KCND1: variants seen among roughly 807,000 people sequenced by gnomAD.
The protein encoded by KCND1 is potassium voltage-gated channel subfamily D member 1, also known as A-type voltage-gated potassium channel KCND1.
In KCND1, 11 loss-of-function variants were observed where a neutral mutation model predicts 31.8. The observed-to-expected ratio is 0.35, with a 90% CI of 0.22 to 0.57. KCND1 has a LOEUF of 0.57. KCND1 is among the 20% of genes least tolerant of loss of function. The pLI is 0.85. For missense variants in KCND1, 471 were observed against 596.8 expected, an observed-to-expected ratio of 0.79 and a Z score of 2.20; for synonymous variants, 234 against 248.1, an observed-to-expected ratio of 0.94 and a Z score of 0.53.
intron 5 of KCND1, 34 bp from the exon 6 acceptor site, chrX:48,962,840 T>A: frequency 2.6e-6 from 3 of 1,143,957 alleles, no homozygotes; most frequent in Non-Finnish European, 3.6e-6. Flanking sequence ...GGAAGGCTCT[T>A]AAAAAGTTAT....
chrX:48,966,894 T>C (rs370695081), intron 2 of KCND1, 50 bp from the exon 3 acceptor site: 11 of 1,198,816 alleles, frequency 9.2e-6, no homozygotes, highest in Non-Finnish European at 1.2e-5. Context: ...CAAAGTAGAC[T>C]GGCTTGGGGT....
intron 5 of KCND1, among the ~76,000 whole-genome samples, 175 bp downstream of exon 5, chrX:48,965,880 A>T (rs2064349299): frequency 9.0e-6 from 1 of 111,158 alleles, no homozygotes; most frequent in East Asian, 2.8e-4. Flanking sequence ...TCTCAAAAAA[A>T]AAAAAAAAAG....
chrX:48,967,325 T>C, intron 1 of KCND1: 3 of 395,379 alleles, frequency 7.6e-6, no homozygotes, highest in Non-Finnish European at 1.3e-5. Flanking sequence ...CCAAGCTACA[T>C]ACCAAGCACC....
At chrX:48,964,849 CCGT>C (rs1272520970) in intron 5 of KCND1, among the ~76,000 whole-genome samples, 1 of 104,251 alleles carries the variant, frequency 9.6e-6, no homozygotes, top group African/African-American at 3.5e-5. Context: ...TGGTGAAACC[CCGT>C]CTCTACTAAA....
In KCND1 at chrX:48,966,166, C is replaced by T; in HGVS notation, c.1607G>A (p.Arg536Lys). 1 of 1,210,496 alleles carries T rather than the reference C, an allele frequency of 8.3e-7. No individual in the cohort carries two copies. The highest frequency in any genetic ancestry group is 1.8e-5 in the South Asian group (1 of 56,753). Reference sequence around the variant, plus strand: ...AAGGCGGATGGCGCGGCGCTTGGCCCTGCGAGGGCAGCAAGAAGACAGCAG... The same window carrying T: ...AAGGCGGATGGCGCGGCGCTTGGCCTTGCGAGGGCAGCAAGAAGACAGCAG... ...GSLLSSCCPR[R>K]AKRRAIRLAN... is the part of the protein sequence containing the mutation. The change falls in exon 5 of 6, where the codon AGG (arginine) becomes AAG (lysine). Residue 536 changes from arginine (R) to lysine (K), a missense_variant. Arg to Lys is a conservative substitution (Grantham distance 26, BLOSUM62 2). Transcript: ENST00000218176.
At chrX:48,964,118 A>G (rs2064337772) in intron 5 of KCND1, among the ~76,000 whole-genome samples, 1 of 112,583 alleles carries the variant, frequency 8.9e-6, no homozygotes, top group African/African-American at 3.2e-5. Flanking sequence ...GTGGTGGCTC[A>G]CACCTGTAAT....
intron 5 of KCND1, among the ~76,000 whole-genome samples, chrX:48,965,430 T>C (rs1048219994): frequency 2.7e-5 from 3 of 110,363 alleles, no homozygotes; most frequent in Non-Finnish European, 5.6e-5. Context: ...ATATAATCTG[T>C]GTATTTGTTT....
At position 48,969,572 on chromosome X, in the gene KCND1, T is replaced by A; in HGVS notation, c.700A>T (p.Met234Leu). 1 of 1,210,657 alleles carries A rather than the reference T, an allele frequency of 8.3e-7. No individual in the cohort carries two copies. Among genetic ancestry groups the A allele is most frequent in the East Asian group, 3.0e-5 (1 of 33,834 alleles). The change falls in exon 1 of 6, where the codon ATG (methionine) becomes TTG (leucine). Residue 234 changes from methionine (M) to leucine (L), a missense_variant. This residue lies in a region of KCND1 where 212 missense variants were observed against 257.9 expected (regional missense o/e 0.82). Coordinates refer to ENST00000218176, the MANE Select transcript of KCND1 (RefSeq NM_004979.6). ...AATATGAGTACACAGGCTGTGTCCA[T>A]GCAGAAAAAGGCCTGTGGGAAGCGT... ...GERFPQAFFCMDTACVLIFTG... is the reference protein window; with the variant it reads ...GERFPQAFFCLDTACVLIFTG...
rs2064356974 is a variant in KCND1, at chrX:48,966,874, G to A, written c.1285-30C>T. On this transcript the variant is annotated intron_variant, in intron 2 of 5. Coordinates refer to ENST00000218176, the MANE Select transcript of KCND1 (RefSeq NM_004979.6). ...AGAGAGAGGAGATAAAAGGTCAGGT[G>A]GGTAAGCCCCAAAGTAGACTGGCTT... is the stretch of plus-strand genomic sequence containing the variant. 4 of 1,201,510 alleles carry A rather than the reference G, an allele frequency of 3.3e-6. No individual in the cohort carries two copies. The East Asian group carries it at 1.2e-4, about 36-fold the overall frequency.
chrX:48,967,418 G>C (rs188003948), intron 1 of KCND1: 1 of 272,834 alleles, frequency 3.7e-6, no homozygotes, highest in East Asian at 7.1e-5. Flanking sequence ...CCTGGGGAGA[G>C]AGTCCCAGCA....
Position 48,969,066 on chromosome X carries a change from GA to G in KCND1, c.1121+84del, listed in dbSNP as rs1199004418. ...AAGACTCCATTTAAAAAGAAAGAAA[GA>G]AAGAGATCATTCCTTTAAACTTCCT... On this transcript the variant is annotated intron_variant, in intron 1 of 5. Transcript: ENST00000218176. The G allele has an allele frequency of 1.0e-5, 10 of 981,063 alleles. No homozygotes were observed. In the Middle Eastern group the frequency reaches 2.2e-3, roughly 218 times the overall value. The allele number at this position is 981,063 out of a possible 1,213,427, so 80.9% of individuals were successfully genotyped here. A position where few individuals can be genotyped will look rare whatever the true frequency, so the allele number is the denominator to read the frequency against.
chrX:48,966,539 C>A, intron 4 of KCND1, 39 bp downstream of exon 4: 2 of 1,128,089 alleles, frequency 1.8e-6, no homozygotes, highest in Non-Finnish European at 2.4e-6. Context: ...GCAGAGGGAC[C>A]CCCTCTATTC....
At chrX:48,967,487 CCT>C (rs1443677285) in intron 1 of KCND1, 1 of 176,008 alleles carries the variant, frequency 5.7e-6, no homozygotes, top group Non-Finnish European at 1.1e-5. Context: ...GTTTTGGCTG[CCT>C]CTGTCTTACC....
At chrX:48,969,122 G>A (rs1557058391) in intron 1 of KCND1, 29 bp downstream of exon 1, 1 of 1,179,528 alleles carries the variant, frequency 8.5e-7, no homozygotes, top group Non-Finnish European at 1.1e-6. Flanking sequence ...GTGTAATCGG[G>A]CAGCCCCCAA....
Position 48,962,729 on chromosome X carries a change from A to T in KCND1, c.1796T>A (p.Ile599Asn), listed in dbSNP as rs781844471. The change falls in exon 6 of 6, where the codon ATC becomes AAC. Residue 599 changes from isoleucine to asparagine, a missense_variant. By Grantham distance (149) the Ile-to-Asn change is moderately radical. Coordinates refer to ENST00000218176, the MANE Select transcript of KCND1 (RefSeq NM_004979.6). ...CDSRDFVAAI[I>N]SIPTPPANTP... ...GTTGGCAGGAGGGGTAGGGATGCTG[A>T]TAATGGCAGCCACGAAGTCCCGGCT... 3.3e-6 allele frequency: 4 copies of T among 1,210,970 alleles called. No individual in the cohort carries two copies. Among genetic ancestry groups the T allele is most frequent in the Non-Finnish European group, 4.5e-6 (4 of 895,134 alleles).
At position 48,971,036 on chromosome X, in the gene KCND1, A is replaced by C. The variant is rs782473272; in HGVS notation, c.-765T>G. ...CTATACTCTACAGGAGTTCTGGGGA[A>C]GAAAGGAGAGGCCAGAGCCTCCTAG... On this transcript the variant is annotated 5_prime_UTR_variant, in exon 1 of 6. Transcript: ENST00000218176. 1 of 109,331 alleles carries C rather than the reference A, an allele frequency of 9.1e-6. No homozygotes were observed. The highest frequency in any genetic ancestry group is 3.3e-5 in the African/African-American group (1 of 29,967). The allele number at this position is 109,331 out of a possible 1,213,427, so 9.0% of individuals were successfully genotyped here.
rs781979290 is a variant in KCND1, at chrX:48,966,671, G to A, written c.1374C>T (p.Ser458=). The A allele has an allele frequency of 1.5e-3, 1,861 of 1,206,366 alleles. 18 individuals carry two copies. In the South Asian group the frequency reaches 0.031, roughly 20 times the overall value. ...AAAGAGCCTGTTCCTCGCCACTGCC[G>A]CTGTCCTGGAGTAGATGGAGCAGAG... The part of the protein sequence containing the change: ...QYKQNGGLED[S]GSGEEQALCV... The change falls in exon 4 of 6, where the codon AGC becomes AGT. Residue 458 remains serine, a synonymous_variant. Transcript: ENST00000218176.
In KCND1 at chrX:48,962,470, G is replaced by T. The variant is rs782455560; in HGVS notation, c.*111C>A. The stretch of plus-strand genomic sequence containing the variant: ...AAACTCCATTGCATAGTTCTCAGTG[G>T]GGGGGGCAGAAGGGGTGCCCAAGCC... On this transcript the variant is annotated 3_prime_UTR_variant, in exon 6 of 6. Transcript: ENST00000218176. 4 of 510,203 alleles carry T rather than the reference G, an allele frequency of 7.8e-6. No individual in the cohort carries two copies. The highest frequency in any genetic ancestry group is 1.3e-5 in the Non-Finnish European group (4 of 300,580). The allele number at this position is 510,203 out of a possible 1,213,427, so 42.0% of individuals were successfully genotyped here.
In KCND1 at chrX:48,962,225, G is replaced by A; in HGVS notation, c.*356C>T. 5.2e-6 allele frequency: 1 copy of A among 191,258 alleles called. No homozygotes were observed. The highest frequency in any genetic ancestry group is 9.7e-6 in the Non-Finnish European group (1 of 103,151). 15.8% of individuals were successfully genotyped at this position (191,258 alleles called of 1,213,427 possible). A position where few individuals can be genotyped will look rare whatever the true frequency, so the allele number is the denominator to read the frequency against. On this transcript the variant is annotated 3_prime_UTR_variant, in exon 6 of 6. Transcript: ENST00000218176. ...TCTCAACTCTCCTTCTTAGGCTAGA[G>A]CTCAGATGTCGGATCAAAGCTTTGC...
Sources: gnomAD v4.1 joint callset for allele counts (sites outside exome capture counted in the v4.1 genomes callset) on GRCh38, gnomAD v4.1.1 for gene constraint, gnomAD v4.1.1 regional missense constraint, MANE v1.5 for transcripts, NCBI Gene and HGNC (gene_info 2026-07-23, HGNC 2026-07-21) for gene names.